The following PTPRN2 variants were observed in gnomAD, a reference collection of about 807,000 sequenced individuals.
PTPRN2 encodes the protein receptor-type tyrosine-protein phosphatase N2.
Under a neutral mutation model 118.8 loss-of-function variants are expected in PTPRN2, and 74 were observed. The ratio of observed to expected loss-of-function variants is 0.62; its 90% CI spans 0.52 to 0.76. PTPRN2 has a LOEUF of 0.76. Among genes scored for constraint, PTPRN2 ranks in the 30% least tolerant of loss-of-function variants. The pLI is 0.00. For synonymous variants in PTPRN2, 641 were observed against 608.0 expected (o/e 1.05, Z -0.80); for missense variants, 1,481 against 1,394.4 (o/e 1.06, Z -0.99).
At chr7:158,485,188 T>C (rs956983782) in intron 2 of PTPRN2, among the ~76,000 whole-genome samples, 19 of 151,956 alleles carry the variant, frequency 1.3e-4, no homozygotes, top group African/African-American at 4.6e-4. Context: ...AGCTGAGCCA[T>C]CCTCCCCCAC....
chr7:157,963,617 T>C (rs1334129513), intron 11 of PTPRN2, among the ~76,000 whole-genome samples: 1 of 152,210 alleles, frequency 6.6e-6, no homozygotes, highest in Non-Finnish European at 1.5e-5. Context: ...CCAGGCAGCC[T>C]TGAGTGGAAA....
chr7:158,130,038 T>TAATC (rs2150419379), intron 9 of PTPRN2, among the ~76,000 whole-genome samples: 1 of 152,318 alleles, frequency 6.6e-6, no homozygotes, highest in South Asian at 2.1e-4. Context: ...ACAACTAAGA[T>TAATC]AATCACCTAC....
chr7:158,376,889 G>A (rs1446359815), intron 2 of PTPRN2, among the ~76,000 whole-genome samples: 1 of 43,326 alleles, frequency 2.3e-5, no homozygotes, highest in African/African-American at 8.8e-5. Flanking sequence ...TGAGAGGGGG[G>A]TCAGGGGACT....
At chr7:157,665,612 C>T (rs943569010) in intron 13 of PTPRN2, among the ~76,000 whole-genome samples, 4 of 149,938 alleles carry the variant, frequency 2.7e-5, no homozygotes, top group African/African-American at 7.3e-5. Flanking sequence ...TCTTTAGCAG[C>T]GAAGAAAAAA....
rs527889381 is a variant in PTPRN2, at chr7:158,326,707, C to T, written c.164-9775G>A. On this transcript the variant is annotated intron_variant, in intron 2 of 22. Coordinates refer to ENST00000389418, the MANE Select transcript of PTPRN2 (RefSeq NM_002847.5). Reference sequence around the variant, plus strand: ...AGTCTCACACATGCACACATCCTCACACATGCTCTCACATGCATACATTCT... The same window carrying T: ...AGTCTCACACATGCACACATCCTCATACATGCTCTCACATGCATACATTCT... Among the ~76,000 whole-genome samples the T allele has an allele frequency of 3.9e-3, 593 of 151,590 alleles. 14 individuals are homozygous for T. The highest frequency in any genetic ancestry group is 0.013 in the African/African-American group (543 of 41,226).
At chr7:158,446,550 G>A (rs1341756479) in intron 2 of PTPRN2, among the ~76,000 whole-genome samples, 1 of 151,880 alleles carries the variant, frequency 6.6e-6, no homozygotes, top group Non-Finnish European at 1.5e-5. Flanking sequence ...GACTCTGCCT[G>A]GGCCACAGCC....
Position 157,974,291 on chromosome 7 carries a change from C to G in PTPRN2, c.1724-75554G>C, listed in dbSNP as rs960549258. 1.3e-5 allele frequency among the ~76,000 whole-genome samples: 2 copies of G among 152,238 alleles called. No individual in the cohort carries two copies. The highest frequency in any genetic ancestry group is 4.8e-5 in the African/African-American group (2 of 41,458). On this transcript the variant is annotated intron_variant, in intron 11 of 22. Transcript: ENST00000389418. The surrounding 1 kb of genome is among the most constrained non-coding windows in gnomAD (Gnocchi z 4.0). ...CCAGCACGGTGTCAATGGTGCCACT[C>G]CAGCCGGGCCACCCTGCCCACAAGG...
At position 158,059,439 on chromosome 7, in the gene PTPRN2, A is replaced by G. The variant is rs1334476040; in HGVS notation, c.1723+21859T>C. 1.2e-4 allele frequency among the ~76,000 whole-genome samples: 13 copies of G among 112,456 alleles called. 1 individual carries two copies. The highest frequency in any genetic ancestry group is 6.9e-4 in the Admixed American group (8 of 11,532). The allele number at this position is 112,456 out of a possible 152,430, so 73.8% of individuals were successfully genotyped here. A position where few individuals can be genotyped will look rare whatever the true frequency, so the allele number is the denominator to read the frequency against. ...CCACACTCCATCTGCCCACGGTGAG[A>G]CATCACTGCAGCCACACTCCATCTG... On this transcript the variant is annotated intron_variant, in intron 11 of 22. Transcript: ENST00000389418.
intron 12 of PTPRN2, among the ~76,000 whole-genome samples, chr7:157,778,834 A>G (rs1393809297): frequency 6.6e-6 from 1 of 152,228 alleles, no homozygotes; most frequent in Non-Finnish European, 1.5e-5. Flanking sequence ...CCACATAAAC[A>G]TGTCCACGTG....
chr7:158,279,938 G>C (rs1268291554), intron 3 of PTPRN2, among the ~76,000 whole-genome samples: 1 of 152,172 alleles, frequency 6.6e-6, no homozygotes, highest in African/African-American at 2.4e-5. Flanking sequence ...GGTCTCCTTA[G>C]TTCCGTGAAG....
rs376741831 is a variant in PTPRN2 at position 157,650,027 on chromosome 7, G to A, written c.2196+6330C>T. ...TCACTGTGCACTGAACTCGGTGGACGCGTAAATGGCTCTCAAAGGAGCTCC... is the reference window on the plus strand; with the variant it reads ...TCACTGTGCACTGAACTCGGTGGACACGTAAATGGCTCTCAAAGGAGCTCC... On this transcript the variant is annotated intron_variant, in intron 14 of 22. Coordinates refer to ENST00000389418, the MANE Select transcript of PTPRN2 (RefSeq NM_002847.5). Among the ~76,000 whole-genome samples the A allele has an allele frequency of 1.5e-3, 221 of 152,280 alleles. 1 individual carries two copies. The highest frequency in any genetic ancestry group is 5.1e-3 in the African/African-American group (214 of 41,562).
chr7:157,719,179 G>A (rs575733379), intron 12 of PTPRN2, among the ~76,000 whole-genome samples: 2 of 152,296 alleles, frequency 1.3e-5, no homozygotes, highest in South Asian at 2.1e-4. Context: ...TTTACAATTC[G>A]TCCAGGCTGG....
At chr7:158,478,513 C>G (rs1820430039) in intron 2 of PTPRN2, among the ~76,000 whole-genome samples, 1 of 152,154 alleles carries the variant, frequency 6.6e-6, no homozygotes. Context: ...GGAGCCGTGA[C>G]AAGGGCATGG....
intron 3 of PTPRN2, among the ~76,000 whole-genome samples, chr7:158,315,754 G>A (rs759275498): frequency 1.3e-5 from 2 of 152,224 alleles, no homozygotes; most frequent in Non-Finnish European, 2.9e-5. Context: ...GGCAACTGGG[G>A]AAGAGACATA....
chr7:158,418,195 CTGTGT>C (rs1425512702), intron 2 of PTPRN2, among the ~76,000 whole-genome samples: 8 of 150,660 alleles, frequency 5.3e-5, no homozygotes, highest in Non-Finnish European at 8.8e-5. Context: ...CCGTGTCCTG[CTGTGT>C]TAAGTCACGG....
intron 11 of PTPRN2, among the ~76,000 whole-genome samples, chr7:157,992,547 C>G (rs1418147328): frequency 6.6e-6 from 1 of 152,218 alleles, no homozygotes; most frequent in Non-Finnish European, 1.5e-5. Context: ...TTAGAATACA[C>G]AGAACTAAAT....
At chr7:158,347,526 T>C (rs1442403048) in intron 2 of PTPRN2, among the ~76,000 whole-genome samples, 1 of 152,226 alleles carries the variant, frequency 6.6e-6, no homozygotes, top group African/African-American at 2.4e-5. Context: ...TATTTTGAAA[T>C]CAGGTGGTGT....
chr7:157,938,805 G>T (rs2128788360), intron 11 of PTPRN2, among the ~76,000 whole-genome samples: 1 of 152,360 alleles, frequency 6.6e-6, no homozygotes, highest in Non-Finnish European at 1.5e-5. Context: ...TGGTGCTTAT[G>T]TAGGATGATC....
Position 157,627,654 on chromosome 7 carries a change from A to G in PTPRN2, c.2197-6145T>C, listed in dbSNP as rs933800406. ...AATTTTACTTAAGCTGTTTCTAGAT[A>G]AGCCCTGAGTGAAAAGGTGTCTCCA... On this transcript the variant is annotated intron_variant, in intron 14 of 22. Coordinates refer to ENST00000389418, the MANE Select transcript of PTPRN2 (RefSeq NM_002847.5). The surrounding 1 kb of genome is among the most constrained non-coding windows in gnomAD (Gnocchi z 4.2). Among the ~76,000 whole-genome samples the G allele has an allele frequency of 6.6e-5, 10 of 152,184 alleles. No individual in the cohort carries two copies. The highest frequency in any genetic ancestry group is 6.5e-5 in the Admixed American group (1 of 15,288).
Sources: gnomAD v4.1 joint callset for allele counts (sites outside exome capture counted in the v4.1 genomes callset) on GRCh38, gnomAD v4.1.1 for gene constraint, Gnocchi (gnomAD v3.1) non-coding constraint, MANE v1.5 for transcripts, NCBI Gene and HGNC (gene_info 2026-07-23, HGNC 2026-07-21) for gene names.